ADGRL2: variants seen among roughly 807,000 people sequenced by gnomAD.
The protein encoded by ADGRL2 is adhesion G protein-coupled receptor L2, also known as calcium-independent alpha-latrotoxin receptor 2.
Under a neutral mutation model 157.4 loss-of-function variants are expected in ADGRL2, and 44 were observed. That is an observed-to-expected ratio of 0.28 (90% CI 0.22 to 0.36). The LOEUF is 0.36. Ranked by LOEUF, ADGRL2 falls within the 10% of genes least tolerant of loss-of-function variation. ADGRL2 has a pLI of 1.00. For synonymous variants in ADGRL2, 585 were observed against 624.7 expected (o/e 0.94, Z 0.95); for missense variants, 1,510 against 1,768.9 (o/e 0.85, Z 2.63).
chr1:81,719,945 C>T (rs142424146), intron 1 of ADGRL2, among the ~76,000 whole-genome samples: 3,445 of 152,058 alleles, frequency 0.023, 59 homozygotes, highest in Non-Finnish European at 0.033. Flanking sequence ...TGTTAGAAAA[C>T]ATGTCCAGGT....
intron 2 of ADGRL2, among the ~76,000 whole-genome samples, chr1:81,511,400 G>GCA (rs149522214): frequency 0.065 from 8,245 of 127,064 alleles, 320 homozygotes; most frequent in East Asian, 0.11. Context: ...AAAAAAGCGC[G>GCA]CACACACACA....
intron 2 of ADGRL2, among the ~76,000 whole-genome samples, chr1:81,854,551 A>C (rs900156929): frequency 1.3e-5 from 2 of 152,188 alleles, no homozygotes; most frequent in Admixed American, 6.6e-5. Flanking sequence ...GTTGATGCTT[A>C]GAAATGAAAT....
intron 1 of ADGRL2, among the ~76,000 whole-genome samples, chr1:81,731,642 G>A (rs12139644): frequency 0.29 from 43,966 of 151,788 alleles, 6,536 homozygotes; most frequent in South Asian, 0.39. Flanking sequence ...TGCTCTCTAC[G>A]TCTTGATAAT....
At chr1:81,984,454 T>A in intron 19 of ADGRL2, 129 bp from the exon 20 acceptor site, 3 of 1,018,550 alleles carry the variant, frequency 2.9e-6, no homozygotes, top group Non-Finnish European at 4.2e-6. Context: ...CAAGTTCAAT[T>A]TATTTTCTCC....
At chr1:81,575,481 G>A (rs1170975116) in intron 2 of ADGRL2, among the ~76,000 whole-genome samples, 2 of 152,080 alleles carry the variant, frequency 1.3e-5, no homozygotes, top group Non-Finnish European at 1.5e-5. Flanking sequence ...ATCTAATAGT[G>A]CTACTATCAC....
intron 3 of ADGRL2, among the ~76,000 whole-genome samples, chr1:81,582,377 G>C (rs2080934154): frequency 6.6e-6 from 1 of 151,958 alleles, no homozygotes. Context: ...CTTTTGCATG[G>C]CTTCTGTGTA....
At chr1:81,933,998 A>T (rs1020286998) in intron 3 of ADGRL2, among the ~76,000 whole-genome samples, 3 of 152,080 alleles carry the variant, frequency 2.0e-5, no homozygotes, top group Non-Finnish European at 4.4e-5. Context: ...GAAATTTTCA[A>T]ATTTAAAATG....
intron 1 of ADGRL2, among the ~76,000 whole-genome samples, chr1:81,802,455 C>T (rs533351050): frequency 3.3e-5 from 5 of 152,190 alleles, no homozygotes; most frequent in African/African-American, 1.2e-4. Flanking sequence ...ACTCTCAGTC[C>T]GGTCCAGCCG....
intron 1 of ADGRL2, among the ~76,000 whole-genome samples, chr1:81,394,242 T>C (rs927604240): frequency 6.6e-6 from 1 of 152,182 alleles, no homozygotes; most frequent in Non-Finnish European, 1.5e-5. Flanking sequence ...CACTCTTCTA[T>C]TTGAAAATAT....
intron 3 of ADGRL2, among the ~76,000 whole-genome samples, chr1:81,684,658 T>C (rs1199123177): frequency 2.0e-5 from 3 of 152,236 alleles, no homozygotes; most frequent in Admixed American, 6.5e-5. Context: ...GCTATTTAGC[T>C]TTCTTTATTG....
At chr1:81,669,778 T>TAA (rs2082832247) in intron 3 of ADGRL2, among the ~76,000 whole-genome samples, 1 of 151,734 alleles carries the variant, frequency 6.6e-6, no homozygotes, top group South Asian at 2.1e-4. Context: ...CTGTCTCTAC[T>TAA]AAAAATACAA....
intron 3 of ADGRL2, among the ~76,000 whole-genome samples, chr1:81,676,702 T>A (rs910043182): frequency 1.2e-4 from 19 of 152,014 alleles, no homozygotes; most frequent in Admixed American, 5.2e-4. Context: ...ATTTTATTTT[T>A]TTTGAGACGA....
intron 1 of ADGRL2, among the ~76,000 whole-genome samples, chr1:81,436,154 A>C (rs2077405710): frequency 6.6e-6 from 1 of 152,212 alleles, no homozygotes; most frequent in South Asian, 2.1e-4. Flanking sequence ...CTGAAGTTGC[A>C]TATTGCTGTC....
intron 1 of ADGRL2, among the ~76,000 whole-genome samples, chr1:81,756,181 A>G (rs1367595365): frequency 6.6e-6 from 1 of 152,076 alleles, no homozygotes; most frequent in Non-Finnish European, 1.5e-5. Flanking sequence ...CTTCACATCT[A>G]CTTTCTAACT....
chr1:81,878,510 G>C (rs923198836), intron 2 of ADGRL2, among the ~76,000 whole-genome samples: 7 of 152,010 alleles, frequency 4.6e-5, no homozygotes, highest in Non-Finnish European at 8.8e-5. Flanking sequence ...GTTCACCCTG[G>C]ATTTCTTTCA....
intron 3 of ADGRL2, among the ~76,000 whole-genome samples, chr1:81,674,880 A>C (rs2082953911): frequency 6.6e-6 from 1 of 152,232 alleles, no homozygotes; most frequent in South Asian, 2.1e-4. Context: ...CTTCCACTGT[A>C]TATAGAAGAT....
At chr1:81,801,470 G>T (rs1315694933) in intron 1 of ADGRL2, among the ~76,000 whole-genome samples, 2 of 152,204 alleles carry the variant, frequency 1.3e-5, no homozygotes, top group Non-Finnish European at 2.9e-5. Context: ...CACACGCAGA[G>T]GTGCTGGGGC....
At chr1:81,940,425 T>G (rs1478327548) in intron 4 of ADGRL2, among the ~76,000 whole-genome samples, 1 of 151,608 alleles carries the variant, frequency 6.6e-6, no homozygotes, top group African/African-American at 2.4e-5. Context: ...AGTATTGTTT[T>G]CAAGACAGTA....
intron 3 of ADGRL2, among the ~76,000 whole-genome samples, chr1:81,923,242 C>G (rs1314134735): frequency 6.6e-6 from 1 of 152,150 alleles, no homozygotes; most frequent in Non-Finnish European, 1.5e-5. Context: ...TGTACAAACA[C>G]ATGAGACTCC....
Sources: gnomAD v4.1 joint callset for allele counts (sites outside exome capture counted in the v4.1 genomes callset) on GRCh38, gnomAD v4.1.1 for gene constraint, MANE v1.5 for transcripts, NCBI Gene and HGNC (gene_info 2026-07-23, HGNC 2026-07-21) for gene names.